PPP3CA: variants seen among roughly 807,000 people sequenced by gnomAD.
The protein encoded by PPP3CA is CAM-PRP catalytic subunit.
PPP3CA carries 14 observed loss-of-function variants against 66.5 expected under a neutral mutation model. The observed-to-expected ratio is 0.21, with a 90% CI of 0.14 to 0.33. PPP3CA has a LOEUF of 0.33. Ranked by LOEUF, PPP3CA falls within the 10% of genes least tolerant of loss-of-function variation. PPP3CA has a pLI of 1.00. For synonymous variants in PPP3CA, 232 were observed against 226.2 expected (o/e 1.03, Z -0.23); for missense variants, 317 against 639.5 (o/e 0.50, Z 5.44).
At chr4:101,031,754 T>C (rs775531894) in intron 12 of PPP3CA, among the ~76,000 whole-genome samples, 4 of 152,212 alleles carry the variant, frequency 2.6e-5, no homozygotes, top group Admixed American at 6.5e-5. Context: ...CTATTCAGTC[T>C]CTTGTTTTCA....
chr4:101,194,020 T>C (rs1373649141), intron 2 of PPP3CA, among the ~76,000 whole-genome samples: 1 of 152,188 alleles, frequency 6.6e-6, no homozygotes, highest in African/African-American at 2.4e-5. Flanking sequence ...AGAGTTTACA[T>C]ATCTACTACG....
intron 1 of PPP3CA, among the ~76,000 whole-genome samples, chr4:101,251,000 T>A (rs1041179673): frequency 6.6e-6 from 1 of 152,092 alleles, no homozygotes; most frequent in Non-Finnish European, 1.5e-5. Context: ...TATCTTTAAG[T>A]CCTGTAAGAG....
At chr4:101,223,346 T>C (rs1560666927) in intron 1 of PPP3CA, among the ~76,000 whole-genome samples, 1 of 151,798 alleles carries the variant, frequency 6.6e-6, no homozygotes. Context: ...CTTATAAAAT[T>C]GTTTCAAACA....
At chr4:101,067,791 T>C (rs1307081104) in intron 8 of PPP3CA, among the ~76,000 whole-genome samples, 1 of 149,354 alleles carries the variant, frequency 6.7e-6, no homozygotes. Flanking sequence ...GTTGTGCACA[T>C]GTACCCTAAA....
intron 1 of PPP3CA, among the ~76,000 whole-genome samples, chr4:101,292,370 T>C (rs753426599): frequency 3.3e-5 from 5 of 152,184 alleles, no homozygotes; most frequent in Non-Finnish European, 7.3e-5. Context: ...AAACTATCAA[T>C]TTTCTCTTAT....
intron 2 of PPP3CA, among the ~76,000 whole-genome samples, chr4:101,189,448 A>C (rs1397403357): frequency 6.6e-6 from 1 of 152,046 alleles, no homozygotes; most frequent in Non-Finnish European, 1.5e-5. Context: ...AGATTTAATG[A>C]CTTCATAAAC....
At chr4:101,308,336 C>T (rs1055533168) in intron 1 of PPP3CA, among the ~76,000 whole-genome samples, 7 of 152,190 alleles carry the variant, frequency 4.6e-5, no homozygotes, top group Non-Finnish European at 1.0e-4. Context: ...AGAAACTTCT[C>T]TATGAAAGAT....
At chr4:101,145,078 C>T (rs1722927122) in intron 2 of PPP3CA, among the ~76,000 whole-genome samples, 1 of 152,004 alleles carries the variant, frequency 6.6e-6, no homozygotes, top group Admixed American at 6.6e-5. Context: ...GACACAATAA[C>T]CTGCTTTCAT....
intron 8 of PPP3CA, among the ~76,000 whole-genome samples, chr4:101,079,593 G>A (rs751310575): frequency 2.4e-4 from 36 of 152,034 alleles, no homozygotes; most frequent in Admixed American, 3.3e-4. Flanking sequence ...GTGTTAGCCA[G>A]TTTGGTCTCG....
chr4:101,317,253 AACAC>A (rs3840161), intron 1 of PPP3CA, among the ~76,000 whole-genome samples: 44,928 of 145,190 alleles, frequency 0.31, 7,064 homozygotes, highest in East Asian at 0.49. Flanking sequence ...CGGTACTCCC[AACAC>A]ACACACACAC....
At chr4:101,279,312 G>T (rs1208661717) in intron 1 of PPP3CA, among the ~76,000 whole-genome samples, 1 of 152,080 alleles carries the variant, frequency 6.6e-6, no homozygotes, top group Admixed American at 6.5e-5. Context: ...ACAAGTTTGG[G>T]GTAGCTTAAT....
At chr4:101,121,437 C>T (rs1469045120) in intron 2 of PPP3CA, among the ~76,000 whole-genome samples, 1 of 151,992 alleles carries the variant, frequency 6.6e-6, no homozygotes. Context: ...AGTTTTAAGA[C>T]ATAAGTGTCT....
chr4:101,286,105 A>C lies in PPP3CA; in HGVS notation c.58+60634T>G, dbSNP rs531240213. 2.0e-5 allele frequency among the ~76,000 whole-genome samples: 3 copies of C among 152,292 alleles called. No homozygotes were observed. In the East Asian group the frequency reaches 5.8e-4, roughly 29 times the overall value. On this transcript the variant is annotated intron_variant, in intron 1 of 13. Transcript: ENST00000394854. ...CATTTGTTAGATTCTCCTAAGAAGC[A>C]TCCAACTTAGATCCTCATATGTACA...
chr4:101,052,584 A>C (rs1728059724), intron 10 of PPP3CA, among the ~76,000 whole-genome samples: 1 of 151,936 alleles, frequency 6.6e-6, no homozygotes. Context: ...CAAAAAAACC[A>C]ACAATAAACT....
At chr4:101,261,101 C>T (rs1005475595) in intron 1 of PPP3CA, among the ~76,000 whole-genome samples, 2 of 152,112 alleles carry the variant, frequency 1.3e-5, no homozygotes, top group African/African-American at 2.4e-5. Context: ...TCTAGCTAAA[C>T]ACTTTATGTG....
chr4:101,086,440 TATTTGTTTCTA>T (rs1345149980), intron 6 of PPP3CA, among the ~76,000 whole-genome samples: 1 of 152,200 alleles, frequency 6.6e-6, no homozygotes, highest in Non-Finnish European at 1.5e-5. Flanking sequence ...TATTCTCTTG[TATTTGTTTCTA>T]TATCATATTG....
intron 1 of PPP3CA, among the ~76,000 whole-genome samples, chr4:101,200,056 T>G (rs745656586): frequency 2.0e-5 from 3 of 152,130 alleles, no homozygotes; most frequent in Non-Finnish European, 2.9e-5. Flanking sequence ...GTAGGTTAAT[T>G]TTAGACCACA....
chr4:101,327,884 C>A lies in PPP3CA; in HGVS notation c.58+18855G>T, dbSNP rs1262189645. Among the ~76,000 whole-genome samples, 5 of 152,026 alleles carry A rather than the reference C, an allele frequency of 3.3e-5. 1 individual carries two copies. The South Asian group carries it at 1.0e-3, about 32-fold the overall frequency. ...CAACAAAACACTCTAGTTGTATGAA[C>A]GTTACTCAAATTTTTCATCTACATG... On this transcript the variant is annotated intron_variant, in intron 1 of 13. Coordinates refer to ENST00000394854, the MANE Select transcript of PPP3CA (RefSeq NM_000944.5).
chr4:101,335,620 A>C (rs1331563409), intron 1 of PPP3CA, among the ~76,000 whole-genome samples: 15 of 152,190 alleles, frequency 9.9e-5, no homozygotes, highest in Admixed American at 9.8e-4. Flanking sequence ...AAAAATAACA[A>C]GGGAATTTCA....
Sources: gnomAD v4.1 joint callset for allele counts (sites outside exome capture counted in the v4.1 genomes callset) on GRCh38, gnomAD v4.1.1 for gene constraint, MANE v1.5 for transcripts, NCBI Gene and HGNC (gene_info 2026-07-23, HGNC 2026-07-21) for gene names.